Variants in CHL1 observed in about 807,000 individuals in gnomAD.
CHL1 encodes cell adhesion molecule L1 like, also known as neural cell adhesion molecule L1-like protein.
Under a neutral mutation model 141.9 loss-of-function variants are expected in CHL1, and 96 were observed. The observed-to-expected ratio is 0.68, with a 90% CI of 0.57 to 0.80. The LOEUF is 0.80. Among genes scored for constraint, CHL1 ranks in the 30% least tolerant of loss-of-function variants. The pLI is 0.00. For missense variants in CHL1, 1,820 were observed against 1,457.2 expected, an observed-to-expected ratio of 1.25 and a Z score of -4.05; for synonymous variants, 613 against 502.2, an observed-to-expected ratio of 1.22 and a Z score of -2.95.
intron 4 of CHL1, 44 bp from the exon 5 acceptor site, chr3:328,123 T>A (rs376491047): frequency 6.8e-7 from 1 of 1,469,896 alleles, no homozygotes; most frequent in African/African-American, 1.4e-5. Context: ...TCTAAACATA[T>A]GTCATTATTT....
Position 248,285 on chromosome 3 carries a change from A to C in CHL1, c.-95+3593A>C, listed in dbSNP as rs933012034. ...AAAATTCAGTTAGGTCTCCGAAGGG[A>C]AGCTGAGGTATACTTATATTTCATT... On this transcript the variant is annotated intron_variant, in intron 2 of 27. Transcript: ENST00000256509. The C allele has an allele frequency of 2.0e-5, 3 of 152,210 alleles. No homozygotes were observed. The South Asian group carries it at 6.2e-4, about 32-fold the overall frequency. The allele number at this position is 152,210 out of a possible 1,614,324, so 9.4% of individuals were successfully genotyped here.
At chr3:280,892 CCA>C (rs141343654) in intron 2 of CHL1, among the ~76,000 whole-genome samples, 1,781 of 149,492 alleles carry the variant, frequency 0.012, 28 homozygotes, top group African/African-American at 0.04. Flanking sequence ...CACACATGCA[CCA>C]CACACACACA....
At chr3:256,011 C>T (rs1694126336) in intron 2 of CHL1, among the ~76,000 whole-genome samples, 1 of 150,870 alleles carries the variant, frequency 6.6e-6, no homozygotes, top group Non-Finnish European at 1.5e-5. Flanking sequence ...GGGATTCATG[C>T]TCCCATTCCC....
At chr3:240,261 T>A (rs565576639) in intron 1 of CHL1, among the ~76,000 whole-genome samples, 1 of 151,256 alleles carries the variant, frequency 6.6e-6, no homozygotes, top group African/African-American at 2.5e-5. Flanking sequence ...CATCCACTAT[T>A]TTTTAAATTT....
At chr3:204,438 T>C (rs1163165251) in intron 1 of CHL1, among the ~76,000 whole-genome samples, 1 of 152,228 alleles carries the variant, frequency 6.6e-6, no homozygotes, top group Non-Finnish European at 1.5e-5. Flanking sequence ...GATGAAGGAA[T>C]AGACCAGAAT....
At chr3:220,917 A>G (rs998283272) in intron 1 of CHL1, among the ~76,000 whole-genome samples, 2 of 152,144 alleles carry the variant, frequency 1.3e-5, no homozygotes, top group Non-Finnish European at 2.9e-5. Context: ...TTTACAATCA[A>G]TTGTCTCTGA....
intron 9 of CHL1, among the ~76,000 whole-genome samples, chr3:346,970 T>C (rs968077980): frequency 2.0e-5 from 3 of 152,176 alleles, no homozygotes; most frequent in African/African-American, 7.2e-5. Flanking sequence ...AAGTGTCAGG[T>C]GAACATGAGA....
At chr3:308,083 G>C (rs970604593) in intron 2 of CHL1, among the ~76,000 whole-genome samples, 1 of 152,152 alleles carries the variant, frequency 6.6e-6, no homozygotes, top group Admixed American at 6.5e-5. Context: ...GCAATGTTCA[G>C]CTCAGTGTTT....
At chr3:336,499 T>C (rs973731804) in intron 5 of CHL1, among the ~76,000 whole-genome samples, 1 of 152,198 alleles carries the variant, frequency 6.6e-6, no homozygotes, top group Non-Finnish European at 1.5e-5. Context: ...TAGGTTTTAT[T>C]ATATCTCTAC....
chr3:232,178 C>G (rs146153516), intron 1 of CHL1, among the ~76,000 whole-genome samples: 2 of 152,090 alleles, frequency 1.3e-5, no homozygotes, highest in African/African-American at 4.8e-5. Flanking sequence ...GAGGAGGCAC[C>G]GGAGAATCAT....
intron 20 of CHL1, among the ~76,000 whole-genome samples, chr3:390,092 G>T (rs193055497): frequency 6.6e-6 from 1 of 152,244 alleles, no homozygotes; most frequent in East Asian, 1.9e-4. Context: ...AAATAGAAAA[G>T]GTTCAGAATG....
intron 27 of CHL1, among the ~76,000 whole-genome samples, chr3:403,582 A>G (rs989631638): frequency 2.6e-5 from 4 of 151,576 alleles, no homozygotes; most frequent in African/African-American, 9.7e-5. Context: ...ACAAACAAGC[A>G]AAAAAAAATT....
At chr3:345,272 G>T (rs1196589604) in intron 9 of CHL1, among the ~76,000 whole-genome samples, 1 of 151,996 alleles carries the variant, frequency 6.6e-6, no homozygotes, top group East Asian at 1.9e-4. Context: ...ACTCCTGTTT[G>T]CTATGTTACT....
At chr3:314,578 G>A (rs1277979072) in intron 2 of CHL1, among the ~76,000 whole-genome samples, 1 of 151,618 alleles carries the variant, frequency 6.6e-6, no homozygotes, top group Non-Finnish European at 1.5e-5. Context: ...TAGCATCTGT[G>A]TTCAGCTGAC....
intron 23 of CHL1, among the ~76,000 whole-genome samples, chr3:393,913 T>A (rs571994770): frequency 3.9e-5 from 6 of 152,358 alleles, no homozygotes; most frequent in African/African-American, 1.4e-4. Flanking sequence ...TGCATTTTTT[T>A]AACCTCTATG....
intron 5 of CHL1, among the ~76,000 whole-genome samples, chr3:337,804 A>G (rs9878989): frequency 0.054 from 8,225 of 152,124 alleles, 764 homozygotes; most frequent in African/African-American, 0.19. Flanking sequence ...GCAGGTCTTT[A>G]CTATTGTGAA....
At chr3:220,778 G>T (rs17007696) in intron 1 of CHL1, among the ~76,000 whole-genome samples, 59,379 of 152,148 alleles carry the variant, frequency 0.39, 14,100 homozygotes, top group East Asian at 0.52. Context: ...AAGGTGTTAG[G>T]AAATGAGAAC....
At chr3:324,924 A>C (rs1700891418) in intron 3 of CHL1, among the ~76,000 whole-genome samples, 1 of 151,966 alleles carries the variant, frequency 6.6e-6, no homozygotes, top group South Asian at 2.1e-4. Flanking sequence ...TTTGTCTTGT[A>C]GATTACTTAT....
chr3:335,857 C>T (rs1701822770), intron 5 of CHL1, among the ~76,000 whole-genome samples: 1 of 152,100 alleles, frequency 6.6e-6, no homozygotes, highest in African/African-American at 2.4e-5. Flanking sequence ...GAAGAAAACT[C>T]CCTGTCCCTT....
Sources: gnomAD v4.1 joint callset for allele counts (sites outside exome capture counted in the v4.1 genomes callset) on GRCh38, gnomAD v4.1.1 for gene constraint, MANE v1.5 for transcripts, NCBI Gene and HGNC (gene_info 2026-07-23, HGNC 2026-07-21) for gene names.